The following CNBD2 variants were observed in gnomAD, a reference collection of about 807,000 sequenced individuals.
CNBD2 encodes cyclic nucleotide binding domain containing 2.
Under a neutral mutation model 63.7 loss-of-function variants are expected in CNBD2, and 64 were observed. That is an observed-to-expected ratio of 1.00 (90% confidence interval 0.82 to 1.24). The LOEUF (loss-of-function observed/expected upper bound fraction) is 1.24, where lower values mean the gene tolerates loss of function less well. Ranked by LOEUF, CNBD2 falls within the 50% of genes most tolerant of loss-of-function variation. The pLI is 0.00. For missense variants in CNBD2, 691 were observed against 713.5 expected (o/e 0.97, Z 0.36); for synonymous variants, 229 against 255.4 (o/e 0.90, Z 0.99).
At chr20:35,988,698 A>C (rs1000758651) in intron 7 of CNBD2, among the ~76,000 whole-genome samples, 1 of 152,048 alleles carries the variant, frequency 6.6e-6, no homozygotes, top group African/African-American at 2.4e-5. Flanking sequence ...ATTGGACTCA[A>C]CTCTCAGTAT....
intron 8 of CNBD2, 140 bp downstream of exon 8, chr20:35,995,292 C>T (rs934080470): frequency 2.3e-5 from 13 of 566,930 alleles, no homozygotes; most frequent in African/African-American, 1.3e-4. Context: ...GCGGTGGAAA[C>T]CCAGTCTGCA....
chr20:35,954,470 G>A (rs772423352), upstream of CNBD2: 119 of 1,547,288 alleles, frequency 7.7e-5, no homozygotes, highest in Admixed American at 2.3e-3. Context: ...AGCGCCTGCG[G>A]CAGCCGGAAG....
chr20:36,017,600 C>T (rs1024377587), intron 10 of CNBD2, among the ~76,000 whole-genome samples: 7 of 152,232 alleles, frequency 4.6e-5, no homozygotes, highest in Non-Finnish European at 8.8e-5. Flanking sequence ...CCTCTCCCTG[C>T]CCTGTTCCCC....
At chr20:35,998,785 A>AG (rs1253504723) in intron 8 of CNBD2, among the ~76,000 whole-genome samples, 2 of 149,398 alleles carry the variant, frequency 1.3e-5, no homozygotes, top group Admixed American at 6.8e-5. Context: ...AGGCAGGAGA[A>AG]TTGCTTGAAC....
intron 6 of CNBD2, 64 bp from the exon 7 acceptor site, chr20:35,987,331 G>T: frequency 6.3e-7 from 1 of 1,584,220 alleles, no homozygotes; most frequent in Non-Finnish European, 8.6e-7. Flanking sequence ...GCCCTCTGCA[G>T]ATTGCTAAGG....
upstream of CNBD2, chr20:35,968,566 G>A (rs1347170177): frequency 2.0e-6 from 1 of 510,220 alleles, no homozygotes; most frequent in Non-Finnish European, 3.6e-6. Context: ...GTGACCTTAG[G>A]AGATTCTGAG....
intron 7 of CNBD2, among the ~76,000 whole-genome samples, chr20:35,994,659 C>A (rs1362018668): frequency 3.3e-5 from 5 of 150,834 alleles, no homozygotes; most frequent in Non-Finnish European, 7.4e-5. Flanking sequence ...GAGGTCGAGG[C>A]AGGCAGATTG....
chr20:35,990,793 A>G (rs2056735923), intron 7 of CNBD2, among the ~76,000 whole-genome samples: 1 of 152,016 alleles, frequency 6.6e-6, no homozygotes, highest in Non-Finnish European at 1.5e-5. Context: ...TCTACTAAAA[A>G]TACAAAAACT....
chr20:36,024,684 T>G lies in CNBD2; in HGVS notation c.1439+913T>G, dbSNP rs543987447. Among the ~76,000 whole-genome samples the G allele has an allele frequency of 1.9e-3, 291 of 151,708 alleles. 7 individuals are homozygous for G. Among genetic ancestry groups the G allele is most frequent in the Non-Finnish European group, 2.1e-3 (145 of 67,940 alleles). On this transcript the variant is annotated intron_variant, in intron 11 of 11. Coordinates refer to ENST00000373973, the MANE Select transcript of CNBD2 (RefSeq NM_001365709.1). ...TGGCTCATGCCTGTAATCCCAGCAC[T>G]TTGGGAGGCCGAGGCAGGTGGATTA...
At chr20:35,986,192 GC>G (rs2056664786) in intron 6 of CNBD2, among the ~76,000 whole-genome samples, 1 of 152,152 alleles carries the variant, frequency 6.6e-6, no homozygotes, top group Admixed American at 6.5e-5. Flanking sequence ...ATCTGCACTG[GC>G]CCTGAAAATT....
intron 7 of CNBD2, among the ~76,000 whole-genome samples, chr20:35,992,341 A>G (rs945746231): frequency 1.3e-5 from 2 of 152,172 alleles, no homozygotes; most frequent in African/African-American, 4.8e-5. Flanking sequence ...AGGAATTTTC[A>G]AATTTTGGTA....
intron 10 of CNBD2, among the ~76,000 whole-genome samples, chr20:36,022,195 CTTTT>C (rs753206662): frequency 5.3e-5 from 3 of 56,308 alleles, no homozygotes; most frequent in African/African-American, 2.4e-4. Flanking sequence ...TTTTTTTTTT[CTTTT>C]TTTTTTTTTT....
At chr20:36,021,772 A>G (rs1171252047) in intron 10 of CNBD2, among the ~76,000 whole-genome samples, 1 of 152,148 alleles carries the variant, frequency 6.6e-6, no homozygotes, top group African/African-American at 2.4e-5. Context: ...GTGTCTCCTT[A>G]AAAAGCGGAT....
intron 2 of CNBD2, among the ~76,000 whole-genome samples, chr20:35,963,416 G>T (rs541421951): frequency 6.6e-6 from 1 of 151,486 alleles, no homozygotes; most frequent in Admixed American, 6.6e-5. Context: ...TCACGGTGGC[G>T]GATCACTTGA....
upstream of CNBD2, among the ~76,000 whole-genome samples, chr20:35,964,204 G>T (rs982145566): frequency 6.6e-6 from 1 of 151,432 alleles, no homozygotes; most frequent in African/African-American, 2.4e-5. Context: ...TTTTGAGATG[G>T]AGTTTTGCTC....
upstream of CNBD2, chr20:35,968,552 C>T: frequency 2.1e-6 from 1 of 481,302 alleles, no homozygotes; most frequent in Non-Finnish European, 3.8e-6. Context: ...CAGAATCTTT[C>T]ATTGTGACCT....
Position 36,007,334 on chromosome 20 carries a change from G to A in CNBD2, c.971-963G>A, listed in dbSNP as rs544144447. On this transcript the variant is annotated intron_variant, in intron 8 of 11. Transcript: ENST00000373973. ...CGAGTTTTTTTAAATTTCATTTTAA[G>A]AGATGAGGTCTTTCTATGTTGCCCA... Among the ~76,000 whole-genome samples, 3 of 151,796 alleles carry A rather than the reference G, an allele frequency of 2.0e-5. No homozygotes were observed. In the South Asian group the frequency reaches 6.2e-4, roughly 32 times the overall value.
intron 2 of CNBD2, among the ~76,000 whole-genome samples, chr20:35,963,585 A>G (rs7273880): frequency 0.27 from 40,473 of 151,710 alleles, 6,500 homozygotes; most frequent in African/African-American, 0.46. Context: ...AGGTTGCAGT[A>G]AGCCAGGGTC....
At position 35,986,083 on chromosome 20, in the gene CNBD2, T is replaced by C. The variant is rs145809835; in HGVS notation, c.716+1305T>C. Among the ~76,000 whole-genome samples the C allele has an allele frequency of 5.4e-3, 818 of 152,368 alleles. 5 individuals are homozygous for C. The highest frequency in any genetic ancestry group is 0.019 in the African/African-American group (789 of 41,594). ...AAGATTTTTGGTTTTTGAATACTTA[T>C]GTGCATGAAAGGCCACGTAAGGATA... is the stretch of plus-strand genomic sequence containing the variant. On this transcript the variant is annotated intron_variant, in intron 6 of 11. Transcript: ENST00000373973.
Sources: gnomAD v4.1 joint callset for allele counts (sites outside exome capture counted in the v4.1 genomes callset) on GRCh38, gnomAD v4.1.1 for gene constraint, MANE v1.5 for transcripts, NCBI Gene and HGNC (gene_info 2026-07-23, HGNC 2026-07-21) for gene names.